Variants in PREP observed in about 807,000 individuals in gnomAD.
PREP encodes dJ355L5.1 (prolyl endopeptidase).
PREP carries 29 observed loss-of-function variants against 87.6 expected under a neutral mutation model. The observed-to-expected ratio is 0.33, with a 90% CI of 0.25 to 0.45. The LOEUF is 0.45. Among genes scored for constraint, PREP ranks in the 20% least tolerant of loss-of-function variants. PREP has a pLI of 1.00. For synonymous variants in PREP, 337 were observed against 328.6 expected (o/e 1.03, Z -0.28); for missense variants, 695 against 886.5 (o/e 0.78, Z 2.74).
At chr6:105,320,042 C>A (rs919382040) in intron 10 of PREP, among the ~76,000 whole-genome samples, 1 of 152,328 alleles carries the variant, frequency 6.6e-6, no homozygotes, top group African/African-American at 2.4e-5. Context: ...ATATTGCTGA[C>A]TGTAAATGTA....
In PREP at chr6:105,302,138, C is replaced by G. The variant is rs543366480; in HGVS notation, c.1318-13244G>C. ...TTTGTAGTTAATGAAGACACACAAT[C>G]AGACATTTTCATTAAAAGTGAAGGA... On this transcript the variant is annotated intron_variant, in intron 10 of 14. Coordinates refer to ENST00000652536, the MANE Select transcript of PREP (RefSeq NM_002726.5). Among the ~76,000 whole-genome samples, 3 of 152,324 alleles carry G rather than the reference C, an allele frequency of 2.0e-5. No homozygotes were observed. The South Asian group carries it at 6.2e-4, about 32-fold the overall frequency.
intron 6 of PREP, among the ~76,000 whole-genome samples, chr6:105,358,183 A>T (rs1772152493): frequency 6.6e-6 from 1 of 152,148 alleles, no homozygotes; most frequent in Non-Finnish European, 1.5e-5. Flanking sequence ...ATTTATGTAA[A>T]TAAAACATTA....
intron 11 of PREP, among the ~76,000 whole-genome samples, 160 bp from the exon 12 acceptor site, chr6:105,285,740 AC>A (rs1159764995): frequency 2.6e-5 from 4 of 152,230 alleles, no homozygotes; most frequent in African/African-American, 9.6e-5. Flanking sequence ...AGTGAAAAAC[AC>A]ATAACTTCCT....
At chr6:105,371,554 G>A (rs988607781) in intron 5 of PREP, among the ~76,000 whole-genome samples, 17 of 140,728 alleles carry the variant, frequency 1.2e-4, no homozygotes, top group African/African-American at 4.4e-4. Flanking sequence ...ATATCAAACT[G>A]AAAGTAATTA....
At chr6:105,364,492 C>T (rs985943279) in intron 6 of PREP, among the ~76,000 whole-genome samples, 2 of 152,088 alleles carry the variant, frequency 1.3e-5, no homozygotes, top group Non-Finnish European at 2.9e-5. Context: ...CTGCGGCAGC[C>T]GAAGGGGAGG....
Position 105,361,886 on chromosome 6 carries a change from G to T in PREP, c.717+7017C>A, listed in dbSNP as rs146764981. Among the ~76,000 whole-genome samples, 457 of 152,178 alleles carry T rather than the reference G, an allele frequency of 3.0e-3. 1 individual carries two copies. Among genetic ancestry groups the T allele is most frequent in the African/African-American group, 0.01 (426 of 41,504 alleles). ...GGCAATGCCAGTAACAGACATACAGGGGAGCCATAAGCACATGTGAGTATG... is the reference window on the plus strand; with the variant it reads ...GGCAATGCCAGTAACAGACATACAGTGGAGCCATAAGCACATGTGAGTATG... On this transcript the variant is annotated intron_variant, in intron 6 of 14. Coordinates refer to ENST00000652536, the MANE Select transcript of PREP (RefSeq NM_002726.5).
At chr6:105,372,087 T>C (rs1260524343) in intron 5 of PREP, among the ~76,000 whole-genome samples, 1 of 152,200 alleles carries the variant, frequency 6.6e-6, no homozygotes, top group Non-Finnish European at 1.5e-5. Flanking sequence ...TAGCTCATCT[T>C]GTAATTCATT....
Position 105,278,147 on chromosome 6 carries a change from T to C in PREP, c.2130A>G (p.Pro710=). 6.2e-7 allele frequency: 1 copy of C among 1,607,480 alleles called. No homozygotes were observed. The highest frequency in any genetic ancestry group is 8.5e-7 in the Non-Finnish European group (1 of 1,175,118). ...IARCLNVDWI[P] Reference sequence around the variant, plus strand: ...CAGGAGGAAGCACGAAAACTGTTTATGGAATCCAGTCGACGTTCAGGCACC... The same window carrying C: ...CAGGAGGAAGCACGAAAACTGTTTACGGAATCCAGTCGACGTTCAGGCACC... Residue 710 remains proline, a synonymous_variant, in exon 15 of 15, where the codon CCA becomes CCG. Coordinates refer to ENST00000652536, the MANE Select transcript of PREP (RefSeq NM_002726.5). The surrounding 1 kb of genome is among the most constrained non-coding windows in gnomAD (Gnocchi z 4.2).
intron 10 of PREP, among the ~76,000 whole-genome samples, chr6:105,316,322 A>G (rs1192006627): frequency 1.3e-5 from 2 of 152,222 alleles, no homozygotes; most frequent in Non-Finnish European, 2.9e-5. Context: ...AGATGAGGGT[A>G]TAGCTGACGG....
intron 6 of PREP, among the ~76,000 whole-genome samples, chr6:105,363,459 T>A (rs1372123431): frequency 6.6e-6 from 1 of 152,146 alleles, no homozygotes; most frequent in African/African-American, 2.4e-5. Context: ...GTCCTTCAAG[T>A]AAAGCCTCAC....
At chr6:105,371,576 C>G (rs914366335) in intron 5 of PREP, among the ~76,000 whole-genome samples, 61 of 141,398 alleles carry the variant, frequency 4.3e-4, no homozygotes, top group African/African-American at 1.5e-3. Context: ...CTCATATTTG[C>G]TGATTTTGGA....
intron 2 of PREP, among the ~76,000 whole-genome samples, chr6:105,385,686 T>G (rs1772973781): frequency 6.6e-6 from 1 of 152,152 alleles, no homozygotes; most frequent in Non-Finnish European, 1.5e-5. Flanking sequence ...CAATAATGAG[T>G]GCAATGGTGA....
chr6:105,326,705 T>C (rs1402417214), intron 9 of PREP, among the ~76,000 whole-genome samples: 1 of 152,242 alleles, frequency 6.6e-6, no homozygotes, highest in Non-Finnish European at 1.5e-5. Flanking sequence ...AATTATCTGA[T>C]GGCTGTTTTT....
intron 14 of PREP, chr6:105,281,030 CT>C (rs1770071285): frequency 6.6e-6 from 1 of 152,208 alleles, no homozygotes; most frequent in African/African-American, 2.4e-5. Flanking sequence ...TCACAGACTT[CT>C]TATCTCACAG....
intron 7 of PREP, among the ~76,000 whole-genome samples, chr6:105,338,437 C>G (rs942939335): frequency 1.3e-5 from 2 of 152,148 alleles, no homozygotes; most frequent in Non-Finnish European, 2.9e-5. Context: ...CCAAGACAGC[C>G]GAATAGGAAC....
chr6:105,292,356 T>C (rs1424909917), intron 10 of PREP, among the ~76,000 whole-genome samples: 1 of 152,214 alleles, frequency 6.6e-6, no homozygotes, highest in African/African-American at 2.4e-5. Flanking sequence ...TTAGCAGGCA[T>C]GAAAACAACA....
Position 105,369,570 on chromosome 6 carries a change from G to T in PREP, c.596-546C>A, listed in dbSNP as rs80152402. Among the ~76,000 whole-genome samples, 32 of 152,326 alleles carry T rather than the reference G, an allele frequency of 2.1e-4. No homozygotes were observed. The East Asian group carries it at 6.2e-3, about 29-fold the overall frequency. On this transcript the variant is annotated intron_variant, in intron 5 of 14. Coordinates refer to ENST00000652536, the MANE Select transcript of PREP (RefSeq NM_002726.5). ...CCTCAAGATTTATTATAAAGCTACA[G>T]TGATCAAGATAATGTGGTATTAGCA... is the stretch of plus-strand genomic sequence containing the variant.
rs751908685 is a variant in PREP at position 105,333,417 on chromosome 6, C to T, written c.912G>A (p.Thr304=). The change falls in exon 8 of 15, where the codon ACG becomes ACA. Residue 304 remains threonine, a synonymous_variant. Coordinates refer to ENST00000652536, the MANE Select transcript of PREP (RefSeq NM_002726.5). ...TNEGTVFTFK[T]NRQSPNYRVI... is the part of the protein sequence containing the mutation. ...CGCGATAGTTGGGAGACTGGCGATT[C>T]GTCTTGAATGTGAACACCGTCCCCT... The T allele has an allele frequency of 9.3e-6, 15 of 1,614,052 alleles. No homozygotes were observed. The highest frequency in any genetic ancestry group is 2.7e-5 in the African/African-American group (2 of 74,930).
In PREP at chr6:105,274,159, A is replaced by T. The variant is rs1182431431; in HGVS notation, c.*3985T>A. ...CATAAACTGGTGGGTTGTCAACAAC[A>T]GAAATTGCTCTCTCACAGTCCTAGA... On this transcript the variant is annotated 3_prime_UTR_variant, in exon 15 of 15. Transcript: ENST00000652536. Among the ~76,000 whole-genome samples the T allele has an allele frequency of 3.3e-5, 5 of 152,210 alleles. No individual in the cohort carries two copies. Among genetic ancestry groups the T allele is most frequent in the Non-Finnish European group, 4.4e-5 (3 of 68,042 alleles).
Sources: allele counts gnomAD v4.1 joint callset (sites outside exome capture counted in the v4.1 genomes callset), GRCh38; gene constraint gnomAD v4.1.1; non-coding constraint Gnocchi (gnomAD v3.1); transcripts MANE v1.5; gene names NCBI Gene and HGNC (gene_info 2026-07-23, HGNC 2026-07-21).